The following SDK1 variants were observed in gnomAD, a reference collection of about 807,000 sequenced individuals.
The protein encoded by SDK1 is sidekick cell adhesion molecule 1.
Under a neutral mutation model 245.5 loss-of-function variants are expected in SDK1, and 157 were observed. The observed-to-expected ratio is 0.64, with a 90% CI of 0.56 to 0.73. The LOEUF is 0.73. Among genes scored for constraint, SDK1 ranks in the 30% least tolerant of loss-of-function variants. The pLI, the probability that SDK1 is intolerant of heterozygous loss-of-function variation, is 0.00. For missense variants in SDK1, 3,583 were observed against 3,002.3 expected, an observed-to-expected ratio of 1.19 and a Z score of -4.52; for synonymous variants, 1,647 against 1,278.5, an observed-to-expected ratio of 1.29 and a Z score of -6.15.
At chr7:3,656,603 G>A (rs562058769) in intron 4 of SDK1, among the ~76,000 whole-genome samples, 2 of 152,200 alleles carry the variant, frequency 1.3e-5, no homozygotes, top group African/African-American at 4.8e-5. Flanking sequence ...TGGTGACACT[G>A]CAGGATACAT....
intron 44 of SDK1, among the ~76,000 whole-genome samples, chr7:4,260,772 C>G (rs1787948429): frequency 6.8e-6 from 1 of 147,546 alleles, no homozygotes; most frequent in Non-Finnish European, 1.5e-5. Flanking sequence ...TCCGGGGTCT[C>G]TGTGTGTGTG....
chr7:3,368,065 C>A (rs1053179136), intron 1 of SDK1, among the ~76,000 whole-genome samples: 2 of 152,156 alleles, frequency 1.3e-5, no homozygotes, highest in Non-Finnish European at 2.9e-5. Flanking sequence ...TAAGAGAAAA[C>A]AATCTGCAAT....
intron 35 of SDK1, among the ~76,000 whole-genome samples, chr7:4,187,453 T>C (rs2128221657): frequency 6.6e-6 from 1 of 152,372 alleles, no homozygotes; most frequent in South Asian, 2.1e-4. Flanking sequence ...TTCAGCTAAT[T>C]GACACCCTGC....
chr7:3,561,828 A>G (rs1035752221), intron 1 of SDK1, among the ~76,000 whole-genome samples: 1 of 152,242 alleles, frequency 6.6e-6, no homozygotes, highest in Non-Finnish European at 1.5e-5. Context: ...AACAAAATTC[A>G]TTATAAGACT....
chr7:3,988,355 C>T (rs952291341), intron 14 of SDK1, among the ~76,000 whole-genome samples: 4 of 151,860 alleles, frequency 2.6e-5, no homozygotes, highest in Non-Finnish European at 4.4e-5. Context: ...ACCACTGGTA[C>T]CTCTCGCCAG....
At chr7:3,628,499 A>G (rs1174465804) in intron 2 of SDK1, among the ~76,000 whole-genome samples, 2 of 152,042 alleles carry the variant, frequency 1.3e-5, no homozygotes, top group South Asian at 4.1e-4. Flanking sequence ...GACCTTATGG[A>G]TGCATGTTTG....
chr7:3,546,363 T>C (rs955526291), intron 1 of SDK1, among the ~76,000 whole-genome samples: 19 of 152,210 alleles, frequency 1.2e-4, no homozygotes, highest in Admixed American at 1.2e-3. Flanking sequence ...GTTTCCACCT[T>C]GTGGAACGTG....
At chr7:3,690,855 A>G (rs569996243) in intron 4 of SDK1, among the ~76,000 whole-genome samples, 1 of 152,356 alleles carries the variant, frequency 6.6e-6, no homozygotes, top group South Asian at 2.1e-4. Flanking sequence ...GTATATAAGA[A>G]CTTTCATAAT....
At chr7:4,155,046 T>C (rs1353888250) in intron 30 of SDK1, among the ~76,000 whole-genome samples, 2 of 150,836 alleles carry the variant, frequency 1.3e-5, no homozygotes, top group East Asian at 3.9e-4. Flanking sequence ...GTGAGGCAGG[T>C]TGGGGTGAGT....
chr7:3,621,133 T>TGATC (rs1781925345), intron 2 of SDK1, among the ~76,000 whole-genome samples: 1 of 152,140 alleles, frequency 6.6e-6, no homozygotes, highest in Non-Finnish European at 1.5e-5. Context: ...AAGGCTCTAG[T>TGATC]GATCGTAGGC....
rs145331779 is a variant in SDK1, at chr7:3,674,625, T to G, written c.713+32520T>G. Among the ~76,000 whole-genome samples, 491 of 152,250 alleles carry G rather than the reference T, an allele frequency of 3.2e-3. 2 individuals are homozygous for G. Among genetic ancestry groups the G allele is most frequent in the African/African-American group, 0.012 (479 of 41,530 alleles). ...AGGGATGAATTGAGATTCTAAGACT[T>G]TATTCCATAAATACGGACAAAGGGC... On this transcript the variant is annotated intron_variant, in intron 4 of 44. Coordinates refer to ENST00000404826, the MANE Select transcript of SDK1 (RefSeq NM_152744.4).
chr7:3,736,294 GGTTTT>G (rs1318467513), intron 4 of SDK1, among the ~76,000 whole-genome samples: 1 of 152,144 alleles, frequency 6.6e-6, no homozygotes, highest in South Asian at 2.1e-4. Flanking sequence ...GAGACATTAA[GGTTTT>G]GTTTTGTTTT....
chr7:3,334,063 C>A (rs555265345), intron 1 of SDK1, among the ~76,000 whole-genome samples: 1 of 152,314 alleles, frequency 6.6e-6, no homozygotes, highest in Admixed American at 6.5e-5. Flanking sequence ...CCCAGTTGGA[C>A]CATACCATTT....
chr7:4,222,743 C>G (rs1415167122), intron 40 of SDK1, among the ~76,000 whole-genome samples: 1 of 152,202 alleles, frequency 6.6e-6, no homozygotes, highest in Non-Finnish European at 1.5e-5. Flanking sequence ...GGCGTCTGTC[C>G]TGTTGTGGAA....
rs368265108 is a variant in SDK1, at chr7:4,012,286, C to T, written c.2420+51C>T. The T allele has an allele frequency of 2.3e-5, 33 of 1,426,462 alleles. No homozygotes were observed. The African/African-American group carries it at 3.8e-4, about 17-fold the overall frequency. 88.4% of individuals were successfully genotyped at this position (1,426,462 alleles called of 1,614,324 possible). ...TTAGGCCGCCATTAGAGTTGAGCGTCGATTTCACAGAGGGTTGCAAACTCT... is the reference window on the plus strand; with the variant it reads ...TTAGGCCGCCATTAGAGTTGAGCGTTGATTTCACAGAGGGTTGCAAACTCT... On this transcript the variant is annotated intron_variant, in intron 16 of 44. Transcript: ENST00000404826.
rs898814521 is a variant in SDK1, at chr7:4,173,428, G to A, written c.4801-794G>A. On this transcript the variant is annotated intron_variant, in intron 32 of 44. Transcript: ENST00000404826. The stretch of plus-strand genomic sequence containing the variant: ...AAAGGCAAGCCTTGCGCTGGGTCTC[G>A]AGTGGTGAACAGCCACATCCTAAAG... 2.6e-5 allele frequency among the ~76,000 whole-genome samples: 4 copies of A among 152,212 alleles called. No homozygotes were observed. The East Asian group carries it at 5.8e-4, about 22-fold the overall frequency.
intron 4 of SDK1, among the ~76,000 whole-genome samples, chr7:3,683,571 G>A (rs969487536): frequency 4.6e-5 from 7 of 152,192 alleles, no homozygotes; most frequent in East Asian, 3.8e-4. Context: ...CTGAGCTCAC[G>A]TTCCATCCAG....
In SDK1 at chr7:4,042,502, A is replaced by G. The variant is rs1396505401; in HGVS notation, c.2603-6846A>G. ...CTCAGCCAGGTGCCTGCGTGGGGGG[A>G]ATTATCCAGTGAAAAGATATTTGTC... On this transcript the variant is annotated intron_variant, in intron 17 of 44. Transcript: ENST00000404826. 1.5e-5 allele frequency among the ~76,000 whole-genome samples: 2 copies of G among 135,732 alleles called. 1 individual carries two copies. The highest frequency in any genetic ancestry group is 6.8e-5 in the African/African-American group (2 of 29,438). 89.0% of individuals were successfully genotyped at this position (135,732 alleles called of 152,430 possible).
rs189868413 is a variant in SDK1, at chr7:3,510,020, C to G, written c.299-109060C>G. ...ACTTTCCAGAGCTCCCCAGGTAGTTCAGATATGCAGCCATGGTTGACAACC... is the reference window on the plus strand; with the variant it reads ...ACTTTCCAGAGCTCCCCAGGTAGTTGAGATATGCAGCCATGGTTGACAACC... On this transcript the variant is annotated intron_variant, in intron 1 of 44. Coordinates refer to ENST00000404826, the MANE Select transcript of SDK1 (RefSeq NM_152744.4). 9.4e-3 allele frequency among the ~76,000 whole-genome samples: 1,426 copies of G among 152,264 alleles called. 7 individuals are homozygous for G. Among genetic ancestry groups the G allele is most frequent in the Non-Finnish European group, 0.015 (1,038 of 68,020 alleles).
Sources: allele counts gnomAD v4.1 joint callset (sites outside exome capture counted in the v4.1 genomes callset), GRCh38; gene constraint gnomAD v4.1.1; transcripts MANE v1.5; gene names NCBI Gene and HGNC (gene_info 2026-07-23, HGNC 2026-07-21).